The following SERPINI1 variants were observed in gnomAD, a reference collection of about 807,000 sequenced individuals.
SERPINI1 encodes serpin family I member 1, also known as neuroserpin.
SERPINI1 carries 19 observed loss-of-function variants against 41.1 expected under a neutral mutation model. The observed-to-expected ratio is 0.46, with a 90% CI of 0.32 to 0.68. SERPINI1 has a LOEUF of 0.68. Among genes scored for constraint, SERPINI1 ranks in the 30% least tolerant of loss-of-function variants. The pLI is 0.03. For synonymous variants in SERPINI1, 138 were observed against 156.6 expected (o/e 0.88, Z 0.89); for missense variants, 460 against 479.2 (o/e 0.96, Z 0.37).
intron 1 of SERPINI1, among the ~76,000 whole-genome samples, chr3:167,748,683 C>T (rs1396012080): frequency 2.0e-5 from 3 of 151,916 alleles, no homozygotes; most frequent in African/African-American, 7.3e-5. Context: ...CTAGTTTTGT[C>T]CCTGAATTAG....
intron 1 of SERPINI1, among the ~76,000 whole-genome samples, chr3:167,772,057 T>A (rs6774447): frequency 0.13 from 19,507 of 152,212 alleles, 1,520 homozygotes; most frequent in African/African-American, 0.21. Context: ...TGTGAACATG[T>A]TATAGTATCT....
In SERPINI1 at chr3:167,794,735, T is replaced by G. The variant is rs1428442893; in HGVS notation, c.792T>G (p.Leu264=). The G allele has an allele frequency of 6.2e-7, 1 of 1,613,626 alleles. No homozygotes were observed. Among genetic ancestry groups the G allele is most frequent in the Admixed American group, 1.7e-5 (1 of 59,842 alleles). Residue 264 remains leucine (L), a synonymous_variant, in exon 5 of 9, where the codon CTT becomes CTG. Transcript: ENST00000446050. The part of the protein sequence containing the change: ...MLVLSRQEVP[L]ATLEPLVKAQ... ...TGCTGTCCAGACAGGAAGTTCCTCT[T>G]GCTACTCTGGAGCCATTAGTCAAAG...
chr3:167,807,220 T>C, intron 5 of SERPINI1, 24 bp from the exon 6 acceptor site: 1 of 1,476,526 alleles, frequency 6.8e-7, no homozygotes, highest in Non-Finnish European at 9.5e-7. Flanking sequence ...TAACTAAATA[T>C]TTTTCTCCCT....
chr3:167,796,918 C>T (rs890988941), intron 5 of SERPINI1, among the ~76,000 whole-genome samples: 1 of 152,040 alleles, frequency 6.6e-6, no homozygotes, highest in African/African-American at 2.4e-5. Context: ...ATTTCTGGTT[C>T]TAGATCTTTG....
At chr3:167,822,897 C>T in intron 6 of SERPINI1, 89 bp from the exon 7 acceptor site, 1 of 757,654 alleles carries the variant, frequency 1.3e-6, no homozygotes, top group Non-Finnish European at 2.4e-6. Context: ...ATCCCAGTCT[C>T]TTAGATCTCT....
chr3:167,779,504 C>G (rs1203813855), intron 1 of SERPINI1, among the ~76,000 whole-genome samples: 1 of 152,150 alleles, frequency 6.6e-6, no homozygotes, highest in East Asian at 1.9e-4. Flanking sequence ...GAATCATTTG[C>G]CTCATGACCA....
intron 1 of SERPINI1, among the ~76,000 whole-genome samples, chr3:167,772,895 C>CATATATATATATAT (rs1338559053): frequency 2.9e-5 from 1 of 34,354 alleles, no homozygotes; most frequent in Admixed American, 4.3e-4. Context: ...TATATATATA[C>CATATATATATATAT]ACACACACAC....
intron 1 of SERPINI1, among the ~76,000 whole-genome samples, chr3:167,742,586 TC>T (rs1725714063): frequency 1.3e-5 from 2 of 152,086 alleles, no homozygotes; most frequent in Non-Finnish European, 2.9e-5. Flanking sequence ...TTCCCAAAGA[TC>T]CCCGGCAGAT....
At chr3:167,814,036 G>A (rs148343207) in intron 6 of SERPINI1, among the ~76,000 whole-genome samples, 2 of 152,242 alleles carry the variant, frequency 1.3e-5, no homozygotes, top group Non-Finnish European at 2.9e-5. Flanking sequence ...TCTCAGCTAA[G>A]ATTTGCCCTC....
intron 1 of SERPINI1, among the ~76,000 whole-genome samples, chr3:167,786,025 A>T (rs1016523577): frequency 6.6e-6 from 1 of 152,202 alleles, no homozygotes; most frequent in African/African-American, 2.4e-5. Context: ...AGCCTACTAC[A>T]CACCTGGGCT....
chr3:167,808,684 A>G (rs1260461304), intron 6 of SERPINI1, among the ~76,000 whole-genome samples: 2 of 152,180 alleles, frequency 1.3e-5, no homozygotes, highest in East Asian at 3.9e-4. Flanking sequence ...AGCTGACCAA[A>G]CTATAGCTTC....
chr3:167,759,400 G>GCATATATATATA (rs1553771738), intron 1 of SERPINI1, among the ~76,000 whole-genome samples: 1 of 121,118 alleles, frequency 8.3e-6, no homozygotes, highest in Non-Finnish European at 1.8e-5. Flanking sequence ...AGAAAATGTG[G>GCATATATATATA]TATATATATA....
At position 167,789,463 on chromosome 3, in the gene SERPINI1, A is replaced by T; in HGVS notation, c.250+85A>T. The T allele has an allele frequency of 2.7e-6, 4 of 1,484,682 alleles. No homozygotes were observed. In the South Asian group the frequency reaches 4.6e-5, roughly 17 times the overall value. 92.0% of individuals were successfully genotyped at this position (1,484,682 alleles called of 1,614,324 possible). A position where few individuals can be genotyped will look rare whatever the true frequency, so the allele number is the denominator to read the frequency against. The stretch of plus-strand genomic sequence containing the variant: ...TTGTATTCTTATTCTAGACACAGCA[A>T]TATTTACACAGGGTAAAAAACAATC... On this transcript the variant is annotated intron_variant, in intron 2 of 8. Transcript: ENST00000446050.
intron 1 of SERPINI1, among the ~76,000 whole-genome samples, chr3:167,766,101 C>T (rs887671323): frequency 5.3e-5 from 8 of 152,194 alleles, no homozygotes; most frequent in African/African-American, 1.9e-4. Flanking sequence ...TACCCAGTTC[C>T]AAAGTCGCTT....
intron 1 of SERPINI1, among the ~76,000 whole-genome samples, chr3:167,762,733 C>T (rs1217299387): frequency 6.6e-6 from 1 of 152,156 alleles, no homozygotes. Context: ...GCGATACTCC[C>T]TCTCACCTCC....
At chr3:167,770,746 C>T (rs947260919) in intron 1 of SERPINI1, among the ~76,000 whole-genome samples, 1 of 152,156 alleles carries the variant, frequency 6.6e-6, no homozygotes, top group African/African-American at 2.4e-5. Context: ...TTTGTTTCAA[C>T]AGTAAAATAA....
intron 1 of SERPINI1, among the ~76,000 whole-genome samples, chr3:167,748,829 A>G (rs188170008): frequency 2.0e-5 from 3 of 150,906 alleles, no homozygotes; most frequent in East Asian, 3.9e-4. Context: ...CACAATGAGT[A>G]CCATGCTCTG....
chr3:167,819,926 G>A (rs986738387), intron 6 of SERPINI1, among the ~76,000 whole-genome samples: 3 of 152,126 alleles, frequency 2.0e-5, no homozygotes, highest in East Asian at 1.9e-4. Flanking sequence ...GTGCTCTTTC[G>A]AAAAATGTAT....
intron 5 of SERPINI1, chr3:167,800,256 A>G (rs1331318054): frequency 1.4e-5 from 2 of 146,210 alleles, no homozygotes; most frequent in South Asian, 2.1e-4. Flanking sequence ...AGTTTGTTTC[A>G]TATATAAAAT....
Sources: gnomAD v4.1 joint callset for allele counts (sites outside exome capture counted in the v4.1 genomes callset) on GRCh38, gnomAD v4.1.1 for gene constraint, MANE v1.5 for transcripts, NCBI Gene and HGNC (gene_info 2026-07-23, HGNC 2026-07-21) for gene names.